The following MAP3K5 variants were observed in gnomAD, a reference collection of about 807,000 sequenced individuals.
MAP3K5 encodes the protein mitogen-activated protein kinase kinase kinase 5.
MAP3K5 carries 56 observed loss-of-function variants against 158.7 expected under a neutral mutation model. That is an observed-to-expected ratio of 0.35 (90% CI 0.28 to 0.44). The LOEUF is 0.44. Among genes scored for constraint, MAP3K5 ranks in the 20% least tolerant of loss-of-function variants. The pLI is 1.00. For missense variants in MAP3K5, 1,294 were observed against 1,674.8 expected, an observed-to-expected ratio of 0.77 and a Z score of 3.97; for synonymous variants, 579 against 601.7, an observed-to-expected ratio of 0.96 and a Z score of 0.55.
chr6:136,702,092 GA>G (rs1248071862), intron 3 of MAP3K5, among the ~76,000 whole-genome samples: 2 of 152,056 alleles, frequency 1.3e-5, no homozygotes, highest in African/African-American at 2.4e-5. Flanking sequence ...AGTCTTCGCT[GA>G]AAATACCTAA....
At chr6:136,694,384 A>T (rs1366076048) in intron 6 of MAP3K5, 74 bp from the exon 7 acceptor site, 1 of 1,212,474 alleles carries the variant, frequency 8.2e-7, no homozygotes, top group African/African-American at 1.5e-5. Context: ...TAAAAACCCT[A>T]TTTAACATGT....
At chr6:136,610,115 T>A (rs1474846224) in intron 18 of MAP3K5, among the ~76,000 whole-genome samples, 1 of 152,028 alleles carries the variant, frequency 6.6e-6, no homozygotes, top group Non-Finnish European at 1.5e-5. Flanking sequence ...ATTCATGATC[T>A]TTTTCTCTTC....
At chr6:136,690,618 C>G (rs1780343993) in intron 7 of MAP3K5, among the ~76,000 whole-genome samples, 1 of 152,106 alleles carries the variant, frequency 6.6e-6, no homozygotes, top group African/African-American at 2.4e-5. Context: ...ATTTGTGATT[C>G]CATTTTTGTG....
intron 18 of MAP3K5, among the ~76,000 whole-genome samples, chr6:136,605,927 G>A (rs545234144): frequency 6.6e-6 from 1 of 152,228 alleles, no homozygotes; most frequent in Non-Finnish European, 1.5e-5. Context: ...TAAATTTCTG[G>A]TGTGCCCTAT....
chr6:136,636,763 C>T (rs761897081), intron 14 of MAP3K5: 24 of 903,462 alleles, frequency 2.7e-5, no homozygotes, highest in South Asian at 5.1e-5. Flanking sequence ...GGCAACATAA[C>T]GAGAACAAGT....
At chr6:136,726,415 A>G (rs1236962499) in intron 1 of MAP3K5, among the ~76,000 whole-genome samples, 2 of 152,338 alleles carry the variant, frequency 1.3e-5, no homozygotes, top group East Asian at 3.9e-4. Context: ...CAACATGGTG[A>G]AACCCTGTCT....
intron 1 of MAP3K5, among the ~76,000 whole-genome samples, chr6:136,739,089 A>G (rs879310824): frequency 2.6e-5 from 4 of 152,334 alleles, no homozygotes; most frequent in Admixed American, 1.3e-4. Flanking sequence ...GACACAGGGC[A>G]TTTTGAACAG....
At chr6:136,771,177 A>G (rs1425124734) in intron 1 of MAP3K5, among the ~76,000 whole-genome samples, 1 of 152,180 alleles carries the variant, frequency 6.6e-6, no homozygotes, top group Non-Finnish European at 1.5e-5. Context: ...CCGATACTCA[A>G]AAAGGCATTT....
intron 15 of MAP3K5, among the ~76,000 whole-genome samples, chr6:136,618,156 G>C (rs1776647034): frequency 6.6e-6 from 1 of 152,188 alleles, no homozygotes; most frequent in South Asian, 2.1e-4. Flanking sequence ...ACAGATGGTA[G>C]TTTAGTGTAC....
At chr6:136,624,825 A>G (rs1323396436) in intron 14 of MAP3K5, among the ~76,000 whole-genome samples, 1 of 152,210 alleles carries the variant, frequency 6.6e-6, no homozygotes. Context: ...TTTAACATGA[A>G]TAAGTTTAAT....
At chr6:136,586,919 A>G (rs1417922960) in intron 23 of MAP3K5, among the ~76,000 whole-genome samples, 2 of 152,196 alleles carry the variant, frequency 1.3e-5, no homozygotes, top group African/African-American at 2.4e-5. Flanking sequence ...CAAGTTCTTC[A>G]GTTTTGGAAC....
Position 136,590,634 on chromosome 6 carries a change from G to A in MAP3K5, c.3225+1539C>T, listed in dbSNP as rs531141589. ...CAGCTCACTGCAAGCTCCGCCTCCA[G>A]GGTTCACGCCATTCTCCTGCCTCAG... On this transcript the variant is annotated intron_variant, in intron 23 of 29. Coordinates refer to ENST00000359015, the MANE Select transcript of MAP3K5 (RefSeq NM_005923.4). 4.6e-5 allele frequency among the ~76,000 whole-genome samples: 7 copies of A among 151,800 alleles called. No individual in the cohort carries two copies. In the South Asian group the frequency reaches 1.5e-3, roughly 32 times the overall value.
chr6:136,563,948 C>T (rs1044297095), intron 26 of MAP3K5, among the ~76,000 whole-genome samples: 2 of 152,144 alleles, frequency 1.3e-5, no homozygotes, highest in African/African-American at 2.4e-5. Context: ...AAGGCAGCAT[C>T]GTGCAACTGA....
intron 2 of MAP3K5, among the ~76,000 whole-genome samples, chr6:136,711,502 A>G (rs1015738188): frequency 6.6e-6 from 1 of 151,844 alleles, no homozygotes; most frequent in Non-Finnish European, 1.5e-5. Context: ...CCATCTCTAC[A>G]AAAAAATACA....
chr6:136,696,033 C>T lies in MAP3K5; in HGVS notation c.1000G>A (p.Val334Ile), dbSNP rs1190432576. 6.2e-7 allele frequency: 1 copy of T among 1,611,264 alleles called. No homozygotes were observed. Residue 334 changes from valine (V) to isoleucine (I), a missense_variant, in exon 6 of 30, where the codon GTA becomes ATA. Around this residue, in one of 5 missense-constraint regions of MAP3K5, gnomAD observed 690 missense variants for 870.5 expected, o/e 0.79. Coordinates refer to ENST00000359015, the MANE Select transcript of MAP3K5 (RefSeq NM_005923.4). ...IQDYDSIVKL[V>I]ETLEKLPTFD... ...GTTGGCAGTTTTTCTAAAGTCTCTA[C>T]CAGCTTCACAATAGAATCATAGTCC...
rs1019612547 is a variant in MAP3K5, at chr6:136,792,175, C to A, written c.-18G>T. 4 of 1,534,804 alleles carry A rather than the reference C, an allele frequency of 2.6e-6. No individual in the cohort carries two copies. In the East Asian group the frequency reaches 7.6e-5, roughly 29 times the overall value. Reference sequence around the variant, plus strand: ...GTGCTCATCTCTCCGGGCCGGGCAGCAACGGCGGCGGCGTCCCCCGCCCAG... The same window carrying A: ...GTGCTCATCTCTCCGGGCCGGGCAGAAACGGCGGCGGCGTCCCCCGCCCAG... On this transcript the variant is annotated 5_prime_UTR_variant, in exon 1 of 30. Transcript: ENST00000359015. The surrounding 1 kb of genome is among the most constrained non-coding windows in gnomAD (Gnocchi z 5.7).
In MAP3K5 at chr6:136,611,467, A is replaced by G. The variant is rs1025434475; in HGVS notation, c.2416-80T>C. The G allele has an allele frequency of 1.4e-5, 9 of 650,274 alleles. No homozygotes were observed. The African/African-American group carries it at 1.6e-4, about 12-fold the overall frequency. 40.3% of individuals were successfully genotyped at this position (650,274 alleles called of 1,614,324 possible). A position where few individuals can be genotyped will look rare whatever the true frequency, so the allele number is the denominator to read the frequency against. On this transcript the variant is annotated intron_variant, in intron 17 of 29. Transcript: ENST00000359015. ...TTGTTGACTTGGTAAGTCCAATTTA[A>G]AAAAAAAAAAGGTGTCCTTACAGCT...
At chr6:136,619,971 A>G (rs1161044618) in intron 15 of MAP3K5, among the ~76,000 whole-genome samples, 1 of 152,226 alleles carries the variant, frequency 6.6e-6, no homozygotes, top group African/African-American at 2.4e-5. Flanking sequence ...ACATTTGGGA[A>G]TAAAAATTGG....
chr6:136,789,270 AC>A (rs1784971139), intron 1 of MAP3K5, among the ~76,000 whole-genome samples: 1 of 152,246 alleles, frequency 6.6e-6, no homozygotes, highest in Non-Finnish European at 1.5e-5. Flanking sequence ...TGATCATGCC[AC>A]TGCACTCCAG....
Sources: allele counts gnomAD v4.1 joint callset (sites outside exome capture counted in the v4.1 genomes callset), GRCh38; gene constraint gnomAD v4.1.1; regional missense constraint gnomAD v4.1.1; non-coding constraint Gnocchi (gnomAD v3.1); transcripts MANE v1.5; gene names NCBI Gene and HGNC (gene_info 2026-07-23, HGNC 2026-07-21).